NEGR1: variants seen among roughly 807,000 people sequenced by gnomAD.
The protein encoded by NEGR1 is IgLON family member 4.
Under a neutral mutation model 40.9 loss-of-function variants are expected in NEGR1, and 10 were observed. That is an observed-to-expected ratio of 0.24 (90% CI 0.15 to 0.42). The LOEUF is 0.42. Ranked by LOEUF, NEGR1 falls within the 10% of genes least tolerant of loss-of-function variation. The pLI, the probability that NEGR1 is intolerant of heterozygous loss-of-function variation, is 1.00. For synonymous variants in NEGR1, 185 were observed against 166.8 expected, an observed-to-expected ratio of 1.11 and a Z score of -0.84; for missense variants, 352 against 438.9, an observed-to-expected ratio of 0.80 and a Z score of 1.77.
intron 2 of NEGR1, among the ~76,000 whole-genome samples, chr1:71,803,735 A>T (rs1230921218): frequency 1.3e-5 from 2 of 152,298 alleles, no homozygotes; most frequent in Middle Eastern, 3.4e-3. Context: ...GATAAAAAAA[A>T]GTCTTCATAG....
intron 2 of NEGR1, among the ~76,000 whole-genome samples, chr1:71,833,338 C>T (rs1015845375): frequency 2.0e-5 from 3 of 151,984 alleles, no homozygotes; most frequent in Non-Finnish European, 2.9e-5. Flanking sequence ...GAGTTAGACA[C>T]TATTGTTTCC....
At chr1:71,495,399 C>A (rs1316519323) in intron 6 of NEGR1, among the ~76,000 whole-genome samples, 1 of 151,334 alleles carries the variant, frequency 6.6e-6, no homozygotes, top group Admixed American at 6.6e-5. Context: ...ATCACTTGAA[C>A]CTGGGAGGCA....
intron 6 of NEGR1, among the ~76,000 whole-genome samples, chr1:71,556,004 T>C (rs1648241093): frequency 1.3e-5 from 2 of 151,436 alleles, no homozygotes. Context: ...ATCTAAAAAA[T>C]ATGAATATAC....
At chr1:72,096,681 A>G (rs759424918) in intron 1 of NEGR1, among the ~76,000 whole-genome samples, 6 of 130,220 alleles carry the variant, frequency 4.6e-5, no homozygotes, top group South Asian at 2.5e-4. Flanking sequence ...TATTTTTTTG[A>G]GATGGAGTCT....
At chr1:71,926,911 C>A (rs542372583) in intron 2 of NEGR1, among the ~76,000 whole-genome samples, 1 of 152,138 alleles carries the variant, frequency 6.6e-6, no homozygotes, top group East Asian at 1.9e-4. Context: ...AAGTAAAATA[C>A]TATTTACTGA....
chr1:71,810,015 A>G (rs1008442431), intron 2 of NEGR1, among the ~76,000 whole-genome samples: 1 of 152,172 alleles, frequency 6.6e-6, no homozygotes, highest in Non-Finnish European at 1.5e-5. Flanking sequence ...GTGAACTGCA[A>G]TGGTTGATCC....
intron 2 of NEGR1, among the ~76,000 whole-genome samples, chr1:71,841,456 G>A (rs960951444): frequency 9.9e-5 from 15 of 152,088 alleles, no homozygotes; most frequent in African/African-American, 3.4e-4. Context: ...ATGCATAGAA[G>A]CATTTATCCT....
chr1:71,799,418 C>T (rs761785249), intron 2 of NEGR1, among the ~76,000 whole-genome samples: 1 of 152,124 alleles, frequency 6.6e-6, no homozygotes, highest in Non-Finnish European at 1.5e-5. Context: ...TGTATACGTG[C>T]CACATTTTCT....
At chr1:72,062,212 T>C (rs1283427838) in intron 1 of NEGR1, among the ~76,000 whole-genome samples, 1 of 151,828 alleles carries the variant, frequency 6.6e-6, no homozygotes, top group Non-Finnish European at 1.5e-5. Flanking sequence ...TTATTTTGTC[T>C]CCTCCCCTTT....
chr1:71,497,585 T>C (rs1569949100), intron 6 of NEGR1, among the ~76,000 whole-genome samples: 1 of 152,138 alleles, frequency 6.6e-6, no homozygotes, highest in South Asian at 2.1e-4. Flanking sequence ...CTCTAAATTG[T>C]GGTGGTTTAA....
chr1:72,279,388 T>C (rs962077630), intron 1 of NEGR1, among the ~76,000 whole-genome samples: 5 of 152,208 alleles, frequency 3.3e-5, no homozygotes, highest in African/African-American at 1.2e-4. Context: ...GTTTGCACTT[T>C]ATGGCCTTTA....
chr1:71,469,870 CCA>C (rs1238123992), intron 6 of NEGR1, among the ~76,000 whole-genome samples: 1 of 152,058 alleles, frequency 6.6e-6, no homozygotes, highest in Non-Finnish European at 1.5e-5. Context: ...TGATCTTTTT[CCA>C]CACTGAAATA....
At chr1:71,415,438 A>T (rs1557518345) in intron 6 of NEGR1, among the ~76,000 whole-genome samples, 1 of 151,946 alleles carries the variant, frequency 6.6e-6, no homozygotes, top group South Asian at 2.1e-4. Context: ...ATACCCTCCT[A>T]TCTACTCAGC....
At chr1:71,972,037 G>A (rs1646260702) in intron 1 of NEGR1, among the ~76,000 whole-genome samples, 1 of 152,152 alleles carries the variant, frequency 6.6e-6, no homozygotes, top group Admixed American at 6.5e-5. Flanking sequence ...AATTTATCAT[G>A]GAGTGTTGCA....
At chr1:71,568,963 C>A (rs571597842) in intron 6 of NEGR1, among the ~76,000 whole-genome samples, 144 of 150,286 alleles carry the variant, frequency 9.6e-4, no homozygotes, top group Non-Finnish European at 1.9e-3. Flanking sequence ...CATCGCCAGG[C>A]AGGAGTGCAG....
intron 6 of NEGR1, among the ~76,000 whole-genome samples, chr1:71,566,422 A>G (rs1473661808): frequency 2.0e-5 from 3 of 151,836 alleles, no homozygotes; most frequent in Non-Finnish European, 4.4e-5. Flanking sequence ...GCTTTTTAAA[A>G]AAGTGTTTAT....
chr1:71,723,240 T>C (rs1654568780), intron 3 of NEGR1, among the ~76,000 whole-genome samples: 3 of 152,108 alleles, frequency 2.0e-5, no homozygotes, highest in Non-Finnish European at 4.4e-5. Flanking sequence ...AAAATATATT[T>C]GGTATTTGTC....
chr1:71,834,243 T>A (rs1459293229), intron 2 of NEGR1, among the ~76,000 whole-genome samples: 2 of 152,120 alleles, frequency 1.3e-5, no homozygotes, highest in African/African-American at 4.8e-5. Context: ...TGATGGTTAT[T>A]TTTACCTGTC....
rs192887611 is a variant in NEGR1 at position 71,875,951 on chromosome 1, A to T, written c.409+59128T>A. ...TGTTCTTAAACCTGAGCTGTTTCCC[A>T]TCAAATAAACCTAAAGTTATACTTC... On this transcript the variant is annotated intron_variant, in intron 2 of 6. Coordinates refer to ENST00000357731, the MANE Select transcript of NEGR1 (RefSeq NM_173808.3). Among the ~76,000 whole-genome samples the T allele has an allele frequency of 8.5e-5, 13 of 152,230 alleles. No individual in the cohort carries two copies. The East Asian group carries it at 2.5e-3, about 29-fold the overall frequency.
Sources: gnomAD v4.1 joint callset for allele counts (sites outside exome capture counted in the v4.1 genomes callset) on GRCh38, gnomAD v4.1.1 for gene constraint, MANE v1.5 for transcripts, NCBI Gene and HGNC (gene_info 2026-07-23, HGNC 2026-07-21) for gene names.